The following SPRING1 variants were observed in gnomAD, a reference collection of about 807,000 sequenced individuals.
The protein encoded by SPRING1 is SREBP regulating gene protein.
Under a neutral mutation model 24.7 loss-of-function variants are expected in SPRING1, and 14 were observed. The observed-to-expected ratio is 0.57, with a 90% CI of 0.37 to 0.88. The LOEUF is 0.88. Among genes scored for constraint, SPRING1 ranks in the 40% least tolerant of loss-of-function variants. The pLI is 0.00. For missense variants in SPRING1, 255 were observed against 268.4 expected, an observed-to-expected ratio of 0.95 and a Z score of 0.35; for synonymous variants, 93 against 106.1, an observed-to-expected ratio of 0.88 and a Z score of 0.76.
chr12:116,737,459 G>T (rs1871291772), intron 1 of SPRING1, among the ~76,000 whole-genome samples: 1 of 149,324 alleles, frequency 6.7e-6, no homozygotes, highest in Admixed American at 6.7e-5. Flanking sequence ...AAAGACGGAA[G>T]GGAAGGGAGA....
Position 116,710,846 on chromosome 12 carries a change from C to G in SPRING1, c.*6964G>C, listed in dbSNP as rs561172509. On this transcript the variant is annotated 3_prime_UTR_variant, in exon 5 of 5. Transcript: ENST00000261318. ...AGCCAGGGGGACTTTTGGCTTGTTA[C>G]AAAAATTGGAATTTGGATCTGCAAG... is the stretch of plus-strand genomic sequence containing the variant. 6.6e-6 allele frequency: 1 copy of G among 152,110 alleles called. No homozygotes were observed. The highest frequency in any genetic ancestry group is 1.5e-5 in the Non-Finnish European group (1 of 68,008). 9.4% of individuals were successfully genotyped at this position (152,110 alleles called of 1,614,324 possible).
intron 1 of SPRING1, among the ~76,000 whole-genome samples, chr12:116,723,618 A>G (rs966128876): frequency 6.6e-6 from 1 of 152,250 alleles, no homozygotes. Context: ...AAATGTGAAT[A>G]CACTTTTTAA....
At chr12:116,729,385 C>G (rs1870864895) in intron 1 of SPRING1, among the ~76,000 whole-genome samples, 1 of 152,248 alleles carries the variant, frequency 6.6e-6, no homozygotes, top group Admixed American at 6.5e-5. Context: ...GTTCACTGCA[C>G]ACAGTGCAGC....
rs1362097018 is a variant in SPRING1, at chr12:116,720,583, G to A, written c.269-136C>T. On this transcript the variant is annotated intron_variant, in intron 2 of 4. Coordinates refer to ENST00000261318, the MANE Select transcript of SPRING1 (RefSeq NM_024738.4). This position sits in a 1 kb window ranked among gnomAD's most constrained non-coding sequence, Gnocchi z 4.0. ...GCATCATCCTAAGCACCGGAGAGCT[G>A]GAAACTGGACATAATGTGAGTGGGG... is the stretch of plus-strand genomic sequence containing the variant. The A allele has an allele frequency of 1.3e-5, 15 of 1,179,482 alleles. No individual in the cohort carries two copies. Among genetic ancestry groups the A allele is most frequent in the South Asian group, 8.8e-5 (6 of 67,810 alleles). The allele number at this position is 1,179,482 out of a possible 1,614,324, so 73.1% of individuals were successfully genotyped here. A position where few individuals can be genotyped will look rare whatever the true frequency, so the allele number is the denominator to read the frequency against.
Position 116,712,383 on chromosome 12 carries a change from C to T in SPRING1, c.*5427G>A, listed in dbSNP as rs962505461. On this transcript the variant is annotated 3_prime_UTR_variant, in exon 5 of 5. Transcript: ENST00000261318. The stretch of plus-strand genomic sequence containing the variant: ...AGACCAACGGCGACCACTTGCTCCA[C>T]TTTGCTCTGTGACAGCAGACGAGGT... 1.3e-5 allele frequency: 2 copies of T among 152,234 alleles called. No individual in the cohort carries two copies. The highest frequency in any genetic ancestry group is 4.8e-5 in the African/African-American group (2 of 41,448). The allele number at this position is 152,234 out of a possible 1,614,324, so 9.4% of individuals were successfully genotyped here. A position where few individuals can be genotyped will look rare whatever the true frequency, so the allele number is the denominator to read the frequency against.
At position 116,723,068 on chromosome 12, in the gene SPRING1, G is replaced by A. The variant is rs118149811; in HGVS notation, c.267C>T (p.Leu89=). The change falls in exon 2 of 5, where the codon CTC becomes CTT. Residue 89 remains leucine, a splice_region_variant and synonymous_variant. Coordinates refer to ENST00000261318, the MANE Select transcript of SPRING1 (RefSeq NM_024738.4). The part of the protein sequence containing the change: ...IQGKHLITDE[L]GYVCERKDLL... The stretch of plus-strand genomic sequence containing the variant: ...GAGAGGAAGGGAAGCCAGCCTCACC[G>A]AGTTCATCCGTGATGAGGTGCTTCC... 12,703 of 1,612,334 alleles carry A rather than the reference G, an allele frequency of 7.9e-3. 83 individuals carry two copies. The highest frequency in any genetic ancestry group is 0.011 in the Middle Eastern group (50 of 4,504).
At chr12:116,729,985 C>T (rs944702421) in intron 1 of SPRING1, among the ~76,000 whole-genome samples, 2 of 152,150 alleles carry the variant, frequency 1.3e-5, no homozygotes, top group African/African-American at 4.8e-5. Flanking sequence ...ACTGCAAGCT[C>T]CGCCTCCAAG....
intron 1 of SPRING1, among the ~76,000 whole-genome samples, chr12:116,729,246 T>C (rs1301234263): frequency 6.6e-6 from 1 of 152,210 alleles, no homozygotes; most frequent in Non-Finnish European, 1.5e-5. Context: ...AGAAAATCTA[T>C]TCCACACAAA....
At chr12:116,731,499 C>A (rs1276750331) in intron 1 of SPRING1, among the ~76,000 whole-genome samples, 1 of 152,100 alleles carries the variant, frequency 6.6e-6, no homozygotes, top group East Asian at 1.9e-4. Flanking sequence ...GATTCCAGCA[C>A]TCTGGGAGGC....
chr12:116,737,906 C>A lies in SPRING1; in HGVS notation c.-6G>T. 1 of 1,548,116 alleles carries A rather than the reference C, an allele frequency of 6.5e-7. No homozygotes were observed. Among genetic ancestry groups the A allele is most frequent in the South Asian group, 1.2e-5 (1 of 85,546 alleles). Reference sequence around the variant, plus strand: ...ATGGCCGCCAGGTTCACCATCCCGGCGCGGACGTGGGGCGCGGCGGCCGGG... The same window carrying A: ...ATGGCCGCCAGGTTCACCATCCCGGAGCGGACGTGGGGCGCGGCGGCCGGG... On this transcript the variant is annotated 5_prime_UTR_variant, in exon 1 of 5. Coordinates refer to ENST00000261318, the MANE Select transcript of SPRING1 (RefSeq NM_024738.4).
Position 116,717,806 on chromosome 12 carries a change from C to A in SPRING1, c.*4G>T. ...CCCAGGCTGGAGCAAGTCCGCTGCA[C>A]CCGTCAAGCGGGGAAGAGCTCGGGC... On this transcript the variant is annotated 3_prime_UTR_variant, in exon 5 of 5. Transcript: ENST00000261318. The surrounding 1 kb of genome is among the most constrained non-coding windows in gnomAD (Gnocchi z 4.2). The A allele has an allele frequency of 6.3e-7, 1 of 1,588,252 alleles. No homozygotes were observed. The highest frequency in any genetic ancestry group is 8.6e-7 in the Non-Finnish European group (1 of 1,169,024).
rs548221010 is a variant in SPRING1 at position 116,737,832 on chromosome 12, G to A, written c.69C>T (p.Phe23=). 4 of 1,595,792 alleles carry A rather than the reference G, an allele frequency of 2.5e-6. No homozygotes were observed. Among genetic ancestry groups the A allele is most frequent in the Admixed American group, 1.7e-5 (1 of 58,920 alleles). The part of the protein sequence containing the change: ...LRKRWVLALV[F]GLSLVYFLSS... ...TGAGGAAGTAGACGAGCGACAGCCCGAAGACCAGGGCGAGCACCCACCTCT... is the reference window on the plus strand; with the variant it reads ...TGAGGAAGTAGACGAGCGACAGCCCAAAGACCAGGGCGAGCACCCACCTCT... Residue 23 remains phenylalanine (F), a synonymous_variant, in exon 1 of 5, where the codon TTC becomes TTT. Transcript: ENST00000261318.
chr12:116,725,713 G>A (rs753736112), intron 1 of SPRING1, among the ~76,000 whole-genome samples: 7 of 151,960 alleles, frequency 4.6e-5, no homozygotes, highest in East Asian at 3.9e-4. Flanking sequence ...GTGAAACCCC[G>A]TCTCTACTAA....
chr12:116,724,390 T>C (rs1870584358), intron 1 of SPRING1, among the ~76,000 whole-genome samples: 1 of 152,210 alleles, frequency 6.6e-6, no homozygotes, highest in South Asian at 2.1e-4. Flanking sequence ...AATACAAGGA[T>C]GTTTACTACA....
Position 116,723,128 on chromosome 12 carries a change from A to T in SPRING1, c.207T>A (p.Ser69Arg), listed in dbSNP as rs1162440939. ...WKVQFNLGNS[S>R]RPSNQCRNSI... ...AGTTGCGGCACTGATTGCTCGGACG[A>T]CTGCTATTGCCCAAGTTAAACTGCA... The change falls in exon 2 of 5, where the codon AGT becomes AGA. Residue 69 changes from serine (S) to arginine (R), a missense_variant. Coordinates refer to ENST00000261318, the MANE Select transcript of SPRING1 (RefSeq NM_024738.4). 1 of 1,613,220 alleles carries T rather than the reference A, an allele frequency of 6.2e-7. No homozygotes were observed.
At chr12:116,724,108 A>G (rs1340997214) in intron 1 of SPRING1, among the ~76,000 whole-genome samples, 1 of 152,200 alleles carries the variant, frequency 6.6e-6, no homozygotes, top group Non-Finnish European at 1.5e-5. Flanking sequence ...ACAATGATGG[A>G]CTTGAAACAT....
Position 116,720,145 on chromosome 12 carries a change from T to C in SPRING1, c.420+151A>G. 9.6e-7 allele frequency: 1 copy of C among 1,043,196 alleles called. No homozygotes were observed. Among genetic ancestry groups the C allele is most frequent in the South Asian group, 1.8e-5 (1 of 56,244 alleles). The allele number at this position is 1,043,196 out of a possible 1,614,324, so 64.6% of individuals were successfully genotyped here. On this transcript the variant is annotated intron_variant, in intron 3 of 4. Transcript: ENST00000261318. The surrounding 1 kb of genome is among the most constrained non-coding windows in gnomAD (Gnocchi z 4.0). The stretch of plus-strand genomic sequence containing the variant: ...CTGGGAACCACCTCCTTTCCTTAGA[T>C]AAAAGCTATTGTGCAGCAATTTCTG...
intron 1 of SPRING1, among the ~76,000 whole-genome samples, chr12:116,735,065 A>C (rs1871158269): frequency 6.6e-6 from 1 of 152,190 alleles, no homozygotes. Context: ...ACTCTGAAGA[A>C]ATGAGCAGAT....
intron 1 of SPRING1, among the ~76,000 whole-genome samples, chr12:116,732,809 G>GA: frequency 6.6e-6 from 1 of 152,354 alleles, no homozygotes; most frequent in South Asian, 2.1e-4. Context: ...TACAAATTGA[G>GA]AATGTGGGCT....
Sources: allele counts gnomAD v4.1 joint callset (sites outside exome capture counted in the v4.1 genomes callset), GRCh38; gene constraint gnomAD v4.1.1; non-coding constraint Gnocchi (gnomAD v3.1); transcripts MANE v1.5; gene names NCBI Gene and HGNC (gene_info 2026-07-23, HGNC 2026-07-21).